The following TTBK2 variants were observed in gnomAD, a reference collection of about 807,000 sequenced individuals.
TTBK2 encodes tau tubulin kinase 2, also known as tau-tubulin kinase 2.
A neutral mutation model predicts 110.8 loss-of-function variants in TTBK2; 28 were observed. The ratio of observed to expected loss-of-function variants is 0.25; its 90% CI spans 0.19 to 0.35. The LOEUF (loss-of-function observed/expected upper bound fraction) is 0.35. Among genes scored for constraint, TTBK2 ranks in the 10% least tolerant of loss-of-function variants. TTBK2 has a pLI of 1.00. For missense variants in TTBK2, 1,369 were observed against 1,500.3 expected (o/e 0.91, Z 1.45); for synonymous variants, 532 against 527.3 (o/e 1.01, Z -0.12).
intron 13 of TTBK2, among the ~76,000 whole-genome samples, chr15:42,763,896 C>T (rs1017027953): frequency 1.3e-5 from 2 of 152,162 alleles, no homozygotes; most frequent in African/African-American, 4.8e-5. Context: ...CCAGACAAGT[C>T]ACTCATTATT....
At chr15:42,814,534 G>A (rs1177320061) in intron 7 of TTBK2, among the ~76,000 whole-genome samples, 3 of 152,070 alleles carry the variant, frequency 2.0e-5, no homozygotes, top group Non-Finnish European at 2.9e-5. Flanking sequence ...CTATGATCCT[G>A]CCACTACACT....
intron 9 of TTBK2, among the ~76,000 whole-genome samples, chr15:42,810,209 C>T (rs1482088852): frequency 4.6e-5 from 7 of 152,100 alleles, no homozygotes; most frequent in African/African-American, 4.8e-5. Context: ...GACCGCTGTC[C>T]CATAGCATAT....
intron 1 of TTBK2, among the ~76,000 whole-genome samples, chr15:42,885,736 T>C (rs1895217210): frequency 1.3e-5 from 2 of 152,102 alleles, no homozygotes; most frequent in Admixed American, 1.3e-4. Flanking sequence ...CTTCTCTCCA[T>C]GTCTCTACCC....
At chr15:42,882,544 T>G (rs1397291950) in intron 1 of TTBK2, among the ~76,000 whole-genome samples, 2 of 151,348 alleles carry the variant, frequency 1.3e-5, no homozygotes, top group African/African-American at 4.9e-5. Context: ...GACCCAGGAG[T>G]TGGAGGTTGC....
In TTBK2 at chr15:42,840,426, G is replaced by T; in HGVS notation, c.225C>A (p.Asp75Glu). Reference protein sequence around the residue: ...VAVLKKLQGKDHVCRFIGCGR... With the variant: ...VAVLKKLQGKEHVCRFIGCGR... ...CACAGCCAATAAATCTACAAACATG[G>T]TCTTTCCCTGGATAAAAAAAGAAAA... Residue 75 changes from aspartate to glutamate, a missense_variant, in exon 4 of 15, where the codon GAC (aspartate) becomes GAA (glutamate). By Grantham distance (45) the Asp-to-Glu change is conservative. This residue lies in a region of TTBK2 where 122 missense variants were observed against 159.7 expected (regional missense o/e 0.76). Transcript: ENST00000267890. 4.3e-6 allele frequency: 7 copies of T among 1,613,662 alleles called. No homozygotes were observed. In the South Asian group the frequency reaches 6.6e-5, roughly 15 times the overall value.
At chr15:42,811,603 A>G (rs1329673046) in intron 8 of TTBK2, 85 bp downstream of exon 8, 9 of 1,041,210 alleles carry the variant, frequency 8.6e-6, no homozygotes, top group Admixed American at 7.8e-5. Flanking sequence ...AGTCTTATAC[A>G]TAAGTATATT....
intron 3 of TTBK2, among the ~76,000 whole-genome samples, chr15:42,860,125 T>C (rs1450974934): frequency 2.0e-5 from 3 of 151,618 alleles, no homozygotes; most frequent in Non-Finnish European, 1.5e-5. Flanking sequence ...AACACAACCA[T>C]ACACAAAGGG....
intron 2 of TTBK2, among the ~76,000 whole-genome samples, chr15:42,878,273 C>T (rs976742468): frequency 1.3e-5 from 2 of 151,680 alleles, no homozygotes; most frequent in Non-Finnish European, 2.9e-5. Context: ...AGAGCCACTG[C>T]GCCCGGCCAG....
chr15:42,888,423 T>A (rs1895325389), intron 1 of TTBK2, among the ~76,000 whole-genome samples: 1 of 151,934 alleles, frequency 6.6e-6, no homozygotes, highest in East Asian at 1.9e-4. Flanking sequence ...CATATTTCCT[T>A]CTTTCCTGTT....
rs557570165 is a variant in TTBK2 at position 42,741,444 on chromosome 15, T to A, written c.*4351A>T. 6.6e-6 allele frequency: 1 copy of A among 152,324 alleles called. No homozygotes were observed. Among genetic ancestry groups the A allele is most frequent in the African/African-American group, 2.4e-5 (1 of 41,582 alleles). The allele number at this position is 152,324 out of a possible 1,614,324, so 9.4% of individuals were successfully genotyped here. ...GTGTGGTATCATTCTGCTAATATAT[T>A]GTCCACAGGGCCAAACCCCAAGTTA... is the stretch of plus-strand genomic sequence containing the variant. On this transcript the variant is annotated 3_prime_UTR_variant, in exon 15 of 15. Transcript: ENST00000267890.
chr15:42,754,988 A>G lies in TTBK2; in HGVS notation c.1999-1741T>C, dbSNP rs1484731863. ...GTGCCATTGTACTCCAGCCTGGGCA[A>G]TAAGAGTGAAGCTCCATCTCAGGAA... On this transcript the variant is annotated intron_variant, in intron 13 of 14. Transcript: ENST00000267890. Among the ~76,000 whole-genome samples, 6 of 141,860 alleles carry G rather than the reference A, an allele frequency of 4.2e-5. No homozygotes were observed. In the South Asian group the frequency reaches 9.7e-4, roughly 23 times the overall value. 93.1% of individuals were successfully genotyped at this position (141,860 alleles called of 152,430 possible).
At chr15:42,856,700 C>T (rs1186226454) in intron 3 of TTBK2, among the ~76,000 whole-genome samples, 1 of 151,966 alleles carries the variant, frequency 6.6e-6, no homozygotes, top group East Asian at 1.9e-4. Context: ...CTTGTCTCTA[C>T]TTAAAAAAAA....
Position 42,746,157 on chromosome 15 carries a change from T to C in TTBK2, c.3373A>G (p.Thr1125Ala), listed in dbSNP as rs1243043639. 6.2e-6 allele frequency: 10 copies of C among 1,614,054 alleles called. No homozygotes were observed. The highest frequency in any genetic ancestry group is 7.6e-6 in the Non-Finnish European group (9 of 1,180,036). Residue 1125 changes from threonine to alanine, a missense_variant, in exon 15 of 15, where the codon ACT becomes GCT. Physicochemically the swap from Thr to Ala is moderately conservative, Grantham distance 58 (BLOSUM62 0). Transcript: ENST00000267890. ...LQNGSQKPRS[T>A]TQCKSPGSPH... The stretch of plus-strand genomic sequence containing the variant: ...GATCCTGGACTCTTGCACTGAGTAG[T>C]GCTCCGGGGTTTCTGAGATCCATTT...
chr15:42,772,465 CAT>C (rs1404260635), intron 13 of TTBK2, among the ~76,000 whole-genome samples: 3 of 152,156 alleles, frequency 2.0e-5, no homozygotes, highest in Non-Finnish European at 4.4e-5. Context: ...AGAGACCACA[CAT>C]GAGCTAGAAC....
At chr15:42,867,103 G>A (rs1596001062) in intron 3 of TTBK2, among the ~76,000 whole-genome samples, 1 of 152,002 alleles carries the variant, frequency 6.6e-6, no homozygotes, top group African/African-American at 2.4e-5. Context: ...AATTAGCCGG[G>A]CATGGTGGCA....
Position 42,791,136 on chromosome 15 carries a change from G to T in TTBK2, c.980+3508C>A, listed in dbSNP as rs191001993. Among the ~76,000 whole-genome samples the T allele has an allele frequency of 1.2e-4, 18 of 152,152 alleles. No homozygotes were observed. The East Asian group carries it at 2.1e-3, about 18-fold the overall frequency. On this transcript the variant is annotated intron_variant, in intron 10 of 14. Coordinates refer to ENST00000267890, the MANE Select transcript of TTBK2 (RefSeq NM_173500.4). ...TCTGACCTCATGATCCGCCCGCCTT[G>T]GCCTCCCAAAGTGCTGGGATTACAG...
intron 13 of TTBK2, among the ~76,000 whole-genome samples, chr15:42,761,830 T>G (rs2062032110): frequency 6.6e-6 from 1 of 152,158 alleles, no homozygotes; most frequent in South Asian, 2.1e-4. Context: ...AAGAGAACTC[T>G]CAAATACAGT....
In TTBK2 at chr15:42,872,594, T is replaced by G. The variant is rs1190841253; in HGVS notation, c.217+17A>C. The G allele has an allele frequency of 1.9e-6, 3 of 1,613,482 alleles. No homozygotes were observed. The East Asian group carries it at 6.7e-5, about 36-fold the overall frequency. ...TAACATACAAATCATAAATTGTATA[T>G]TCTACAAAGGGCTTACCTTGCAGCT... On this transcript the variant is annotated intron_variant, in intron 3 of 14. Transcript: ENST00000267890.
chr15:42,819,192 G>A (rs1205140434), intron 6 of TTBK2, among the ~76,000 whole-genome samples: 1 of 150,696 alleles, frequency 6.6e-6, no homozygotes, highest in African/African-American at 2.4e-5. Flanking sequence ...AATCCTGGCC[G>A]GGCGCAGTGG....
Sources: allele counts gnomAD v4.1 joint callset (sites outside exome capture counted in the v4.1 genomes callset), GRCh38; gene constraint gnomAD v4.1.1; regional missense constraint gnomAD v4.1.1; transcripts MANE v1.5; gene names NCBI Gene and HGNC (gene_info 2026-07-23, HGNC 2026-07-21).